DAB1: variants seen among roughly 807,000 people sequenced by gnomAD.
DAB1 encodes the protein disabled homolog 1.
A neutral mutation model predicts 64.6 loss-of-function variants in DAB1; 15 were observed. The observed-to-expected ratio is 0.23, with a 90% CI of 0.16 to 0.36. The LOEUF is 0.36. Ranked by LOEUF, DAB1 falls within the 10% of genes least tolerant of loss-of-function variation. The probability of loss-of-function intolerance (pLI) is 1.00; values close to 1 mark genes in which losing one functional copy is unlikely to be tolerated. For synonymous variants in DAB1, 235 were observed against 251.9 expected, an observed-to-expected ratio of 0.93 and a Z score of 0.64; for missense variants, 596 against 706.7, an observed-to-expected ratio of 0.84 and a Z score of 1.78.
At chr1:57,848,328 C>T (rs1332677116) in intron 1 of DAB1, among the ~76,000 whole-genome samples, 4 of 152,230 alleles carry the variant, frequency 2.6e-5, no homozygotes, top group Admixed American at 2.6e-4. Flanking sequence ...CTCATGAACA[C>T]ACACCATGTA....
At chr1:57,298,291 A>G (rs977034161) in intron 1 of DAB1, among the ~76,000 whole-genome samples, 1 of 152,180 alleles carries the variant, frequency 6.6e-6, no homozygotes. Context: ...AAGCTGCTGT[A>G]GGTGTGAAAG....
Position 57,695,278 on chromosome 1 carries a change from A to G in DAB1, n.552-45613T>C, listed in dbSNP as rs994295604. On this transcript the variant is annotated intron_variant and non_coding_transcript_variant, in intron 6 of 20. Transcript: ENST00000485760. Reference sequence around the variant, plus strand: ...GAAAGAAGGAAGGAAGGAAGGAAGGAAGGAAGAAAGGGAGAGAGAAGGAAA... The same window carrying G: ...GAAAGAAGGAAGGAAGGAAGGAAGGGAGGAAGAAAGGGAGAGAGAAGGAAA... Among the ~76,000 whole-genome samples the G allele has an allele frequency of 6.6e-3, 516 of 77,858 alleles. 97 individuals carry two copies. Among genetic ancestry groups the G allele is most frequent in the African/African-American group, 0.017 (311 of 17,848 alleles). The allele number at this position is 77,858 out of a possible 152,430, so 51.1% of individuals were successfully genotyped here. A position where few individuals can be genotyped will look rare whatever the true frequency, so the allele number is the denominator to read the frequency against.
intron 6 of DAB1, among the ~76,000 whole-genome samples, chr1:57,770,532 G>A (rs1246674325): frequency 6.6e-6 from 1 of 152,060 alleles, no homozygotes; most frequent in Admixed American, 6.6e-5. Flanking sequence ...GGGATTGCAG[G>A]CATGAGCCTT....
intron 7 of DAB1, among the ~76,000 whole-genome samples, chr1:57,557,184 A>G (rs1644999186): frequency 6.6e-6 from 1 of 152,166 alleles, no homozygotes; most frequent in African/African-American, 2.4e-5. Flanking sequence ...AATCTGATCA[A>G]CTGCCAGCAT....
At chr1:58,275,060 G>T (rs1211150479) in intron 4 of DAB1, among the ~76,000 whole-genome samples, 1 of 152,200 alleles carries the variant, frequency 6.6e-6, no homozygotes, top group Non-Finnish European at 1.5e-5. Flanking sequence ...TAACAAAGGT[G>T]CCAAGAACAC....
At chr1:57,791,673 A>G (rs1348387261) in intron 6 of DAB1, among the ~76,000 whole-genome samples, 1 of 152,156 alleles carries the variant, frequency 6.6e-6, no homozygotes, top group African/African-American at 2.4e-5. Context: ...TCTTTTCAAC[A>G]AAGACCAGTT....
chr1:57,119,493 G>A (rs1462748379), intron 4 of DAB1, among the ~76,000 whole-genome samples: 2 of 152,022 alleles, frequency 1.3e-5, no homozygotes, highest in South Asian at 2.1e-4. Flanking sequence ...TACTATACAT[G>A]AATGTACTTT....
At chr1:57,263,085 T>G (rs1442190884) in intron 2 of DAB1, among the ~76,000 whole-genome samples, 2 of 152,080 alleles carry the variant, frequency 1.3e-5, no homozygotes, top group Non-Finnish European at 2.9e-5. Context: ...GCCCCTTGGG[T>G]CTAAGTTTCA....
At chr1:57,936,281 G>A (rs1645023526) in intron 5 of DAB1, among the ~76,000 whole-genome samples, 1 of 152,250 alleles carries the variant, frequency 6.6e-6, no homozygotes, top group South Asian at 2.1e-4. Context: ...GCTATTTACT[G>A]AGTTGATCCA....
At chr1:57,453,250 A>G (rs564349291) in intron 7 of DAB1, among the ~76,000 whole-genome samples, 110 of 152,288 alleles carry the variant, frequency 7.2e-4, no homozygotes, top group African/African-American at 2.5e-3. Flanking sequence ...CAAAGTTTAT[A>G]TTCAGTTCCA....
intron 4 of DAB1, among the ~76,000 whole-genome samples, chr1:58,259,458 T>A (rs1661003391): frequency 6.6e-6 from 1 of 152,236 alleles, no homozygotes; most frequent in South Asian, 2.1e-4. Context: ...CTACATGTAA[T>A]CTTTTCTTCT....
chr1:58,352,264 A>T (rs2100516373), intron 3 of DAB1, among the ~76,000 whole-genome samples: 1 of 152,208 alleles, frequency 6.6e-6, no homozygotes, highest in East Asian at 1.9e-4. Context: ...CTGAGGACAT[A>T]ATGTAGGGAA....
At chr1:57,260,492 C>T (rs1209595331) in intron 2 of DAB1, among the ~76,000 whole-genome samples, 1 of 152,166 alleles carries the variant, frequency 6.6e-6, no homozygotes, top group African/African-American at 2.4e-5. Context: ...AAACATAGAG[C>T]CACAAATCAA....
chr1:57,072,214 C>A (rs1321665840), intron 5 of DAB1, 69 bp downstream of exon 5: 5 of 1,571,752 alleles, frequency 3.2e-6, no homozygotes, highest in African/African-American at 1.4e-5. Flanking sequence ...CCTCAAAGAC[C>A]AACGGAGTCA....
chr1:57,847,967 T>C (rs1029021569), intron 1 of DAB1, among the ~76,000 whole-genome samples: 1 of 152,184 alleles, frequency 6.6e-6, no homozygotes, highest in African/African-American at 2.4e-5. Flanking sequence ...ATCCCTGTAT[T>C]AAAGATAAGA....
intron 7 of DAB1, among the ~76,000 whole-genome samples, chr1:57,508,173 C>T (rs1227933891): frequency 6.6e-6 from 1 of 152,140 alleles, no homozygotes; most frequent in Admixed American, 6.5e-5. Flanking sequence ...TGCAACTTTC[C>T]CCGAACATTC....
chr1:58,356,279 A>G (rs768988736), intron 3 of DAB1, among the ~76,000 whole-genome samples: 7 of 152,190 alleles, frequency 4.6e-5, no homozygotes, highest in Non-Finnish European at 1.0e-4. Flanking sequence ...TGACCTGTAT[A>G]TTATCTAAAA....
At position 57,155,239 on chromosome 1, in the gene DAB1, C is replaced by T. The variant is rs560682793; in HGVS notation, c.68-9810G>A. ...GAAAGGGTCTACTTTCATTCTTCTG[C>T]ATATGGATATCCAATTTTCTCAGCA... On this transcript the variant is annotated intron_variant, in intron 2 of 14. Transcript: ENST00000371236. 3.2e-4 allele frequency among the ~76,000 whole-genome samples: 48 copies of T among 152,316 alleles called. 1 individual carries two copies. Among genetic ancestry groups the T allele is most frequent in the African/African-American group, 8.7e-4 (36 of 41,574 alleles).
intron 7 of DAB1, among the ~76,000 whole-genome samples, chr1:57,534,102 A>G (rs987859569): frequency 1.3e-5 from 2 of 152,144 alleles, no homozygotes; most frequent in Non-Finnish European, 2.9e-5. Flanking sequence ...CAAACCATTC[A>G]TTCTGCAATA....
Sources: allele counts gnomAD v4.1 joint callset (sites outside exome capture counted in the v4.1 genomes callset), GRCh38; gene constraint gnomAD v4.1.1; transcripts MANE v1.5; gene names NCBI Gene and HGNC (gene_info 2026-07-23, HGNC 2026-07-21).